The following NDUFS2 variants were observed in gnomAD, a reference collection of about 807,000 sequenced individuals.
NDUFS2 encodes NADH:ubiquinone oxidoreductase core subunit S2.
NDUFS2 carries 38 observed loss-of-function variants against 69.6 expected under a neutral mutation model. The observed-to-expected ratio is 0.55, with a 90% CI of 0.42 to 0.72. The LOEUF (loss-of-function observed/expected upper bound fraction) is 0.72, where lower values mean the gene tolerates loss of function less well. Among genes scored for constraint, NDUFS2 ranks in the 30% least tolerant of loss-of-function variants. The probability of loss-of-function intolerance (pLI) is 0.00; values close to 1 mark genes in which losing one functional copy is unlikely to be tolerated. For synonymous variants in NDUFS2, 194 were observed against 211.2 expected, an observed-to-expected ratio of 0.92 and a Z score of 0.70; for missense variants, 468 against 595.0, an observed-to-expected ratio of 0.79 and a Z score of 2.22.
chr1:161,212,217 C>A, intron 9 of NDUFS2, 134 bp from the exon 10 acceptor site: 1 of 1,153,454 alleles, frequency 8.7e-7, no homozygotes, highest in Non-Finnish European at 1.3e-6. Flanking sequence ...CCAAGCCAAG[C>A]AGAGATGCTG....
intron 3 of NDUFS2, 90 bp downstream of exon 3, chr1:161,206,687 G>A: frequency 1.4e-6 from 2 of 1,393,858 alleles, no homozygotes; most frequent in South Asian, 2.5e-5. Context: ...AACGTGAGGG[G>A]AGGAAGGTGT....
chr1:161,203,521 C>T lies in NDUFS2; in HGVS notation c.180C>T (p.His60=), dbSNP rs1665279085. The change falls in exon 2 of 14, where the codon CAC becomes CAT. Residue 60 remains histidine, a synonymous_variant. Coordinates refer to ENST00000676972, the MANE Select transcript of NDUFS2 (RefSeq NM_001377299.1). ...TGTACCCAAGCAAAGAAACAGCCCA[C>T]TGGAAGCCTCCACCTTGGAATGGTG... is the stretch of plus-strand genomic sequence containing the variant. ...AVMYPSKETA[H]WKPPPWNDVD... 7 of 1,613,808 alleles carry T rather than the reference C, an allele frequency of 4.3e-6. No individual in the cohort carries two copies. The highest frequency in any genetic ancestry group is 5.9e-6 in the Non-Finnish European group (7 of 1,179,946).
intron 3 of NDUFS2, among the ~76,000 whole-genome samples, chr1:161,207,323 G>A (rs535419216): frequency 6.6e-6 from 1 of 152,310 alleles, no homozygotes; most frequent in East Asian, 1.9e-4. Context: ...AGTGACATCA[G>A]AATAAGAACA....
intron 13 of NDUFS2, 25 bp from the exon 14 acceptor site, chr1:161,214,131 T>C (rs769118293): frequency 6.2e-7 from 1 of 1,613,958 alleles, no homozygotes; most frequent in Non-Finnish European, 8.5e-7. Context: ...GTAACATCAC[T>C]TTTTTCCTCC....
intron 6 of NDUFS2, 48 bp from the exon 7 acceptor site, chr1:161,210,063 T>G: frequency 6.3e-7 from 1 of 1,599,058 alleles, no homozygotes; most frequent in Non-Finnish European, 8.6e-7. Flanking sequence ...AGGGCTCTCC[T>G]TAGTGAAGGC....
upstream of NDUFS2, chr1:161,202,302 G>A (rs1571598911): frequency 7.3e-7 from 1 of 1,367,628 alleles, no homozygotes; most frequent in African/African-American, 1.4e-5. Context: ...GCTTCACTGT[G>A]CGAATAGGTG....
At chr1:161,202,097 G>T (rs1665158187), upstream of NDUFS2, 6 of 510,052 alleles carry the variant, frequency 1.2e-5, no homozygotes, top group South Asian at 1.2e-4. Context: ...GAGAGAGCAC[G>T]AAGTATCTGC....
rs139019320 is a variant in NDUFS2 at position 161,209,889 on chromosome 1, C to T, written c.660C>T (p.Ala220=). 5.7e-5 allele frequency: 92 copies of T among 1,614,018 alleles called. No homozygotes were observed. In the African/African-American group the frequency reaches 1.1e-3, roughly 19 times the overall value. The part of the protein sequence containing the change: ...MFEFYERVSG[A]RMHAAYIRPG... ...AGTTCTACGAGCGAGTGTCTGGAGCCCGAATGCATGCTGCTTATATCCGGC... is the reference window on the plus strand; with the variant it reads ...AGTTCTACGAGCGAGTGTCTGGAGCTCGAATGCATGCTGCTTATATCCGGC... The change falls in exon 6 of 14, where the codon GCC becomes GCT. Residue 220 remains alanine, a synonymous_variant. Transcript: ENST00000676972.
chr1:161,206,609 G>A lies in NDUFS2; in HGVS notation c.393+12G>A, dbSNP rs180970484. The A allele has an allele frequency of 2.4e-5, 38 of 1,612,318 alleles. No homozygotes were observed. In the Admixed American group the frequency reaches 4.7e-4, roughly 20 times the overall value. ...AGACCTATCTTCAGGTGTGGGGGGTGAACAGGAGCCTTTTGGCGGGATCTG... is the reference window on the plus strand; with the variant it reads ...AGACCTATCTTCAGGTGTGGGGGGTAAACAGGAGCCTTTTGGCGGGATCTG... On this transcript the variant is annotated intron_variant, in intron 3 of 13. Coordinates refer to ENST00000676972, the MANE Select transcript of NDUFS2 (RefSeq NM_001377299.1).
upstream of NDUFS2, chr1:161,198,390 T>G: frequency 5.0e-6 from 8 of 1,610,714 alleles, no homozygotes; most frequent in Non-Finnish European, 6.8e-6. This position sits in a 1 kb window ranked among gnomAD's most constrained non-coding sequence, Gnocchi z 4.7. Context: ...CACAACAGCC[T>G]GGCAGGGGCG....
chr1:161,204,347 C>T (rs929506586), intron 2 of NDUFS2, among the ~76,000 whole-genome samples: 4 of 152,298 alleles, frequency 2.6e-5, no homozygotes, highest in African/African-American at 7.2e-5. Context: ...TTATCTTGCC[C>T]TCCATGTCTA....
chr1:161,198,005 C>A, upstream of NDUFS2: 1 of 1,559,852 alleles, frequency 6.4e-7, no homozygotes, highest in Non-Finnish European at 8.7e-7. This position sits in a 1 kb window ranked among gnomAD's most constrained non-coding sequence, Gnocchi z 4.7. Context: ...CTTGGCTCTT[C>A]GGGGTCTGGG....
chr1:161,197,727 G>A (rs1218555733), upstream of NDUFS2, among the ~76,000 whole-genome samples: 1 of 152,074 alleles, frequency 6.6e-6, no homozygotes, highest in East Asian at 1.9e-4. Context: ...GCCAGGAAGG[G>A]GTGGGGTGGG....
rs757458919 is a variant in NDUFS2 at position 161,210,380 on chromosome 1, A to G, written c.857A>G (p.Tyr286Cys). Residue 286 changes from tyrosine to cysteine, a missense_variant, in exon 8 of 14, where the codon TAT (tyrosine) becomes TGT (cysteine). By Grantham distance (194) the Tyr-to-Cys change is radical. This residue lies in a region of NDUFS2 where 339 missense variants were observed against 433.8 expected (regional missense o/e 0.78). Coordinates refer to ENST00000676972, the MANE Select transcript of NDUFS2 (RefSeq NM_001377299.1). The stretch of plus-strand genomic sequence containing the variant: ...GTAACAGCAGAAGAAGCACTTAACT[A>G]TGGTTTTAGGTGAGGGGAATACAAC... Reference protein sequence around the residue: ...GVVTAEEALNYGFSGVMLRGS... With the variant: ...GVVTAEEALNCGFSGVMLRGS... 4 of 1,613,522 alleles carry G rather than the reference A, an allele frequency of 2.5e-6. No individual in the cohort carries two copies. Among genetic ancestry groups the G allele is most frequent in the Non-Finnish European group, 3.4e-6 (4 of 1,179,536 alleles).
chr1:161,205,093 G>A (rs1052945721), intron 2 of NDUFS2, among the ~76,000 whole-genome samples: 2 of 151,624 alleles, frequency 1.3e-5, no homozygotes, highest in Non-Finnish European at 2.9e-5. Flanking sequence ...ATTTGTACTC[G>A]GGTCTGTCAG....
intron 8 of NDUFS2, 71 bp from the exon 9 acceptor site, chr1:161,210,520 G>A: frequency 2.5e-6 from 4 of 1,610,652 alleles, no homozygotes; most frequent in South Asian, 2.2e-5. Context: ...CAACAAGGGA[G>A]GCTAAGGAAG....
In NDUFS2 at chr1:161,206,443, T is replaced by A. The variant is rs776361999; in HGVS notation, c.239T>A (p.Ile80Asn). ...CCAAAGGACACAATTGTGAAGAACA[T>A]TACCCTGAACTTTGGGCCCCAACAC... ...DPPKDTIVKN[I>N]TLNFGPQHPA... Residue 80 changes from isoleucine to asparagine, a missense_variant, in exon 3 of 14, where the codon ATT (isoleucine) becomes AAT (asparagine). Physicochemically the swap from Ile to Asn is moderately radical, Grantham distance 149. Coordinates refer to ENST00000676972, the MANE Select transcript of NDUFS2 (RefSeq NM_001377299.1). 3 of 1,614,232 alleles carry A rather than the reference T, an allele frequency of 1.9e-6. No homozygotes were observed. Among genetic ancestry groups the A allele is most frequent in the Non-Finnish European group, 2.5e-6 (3 of 1,180,040 alleles).
At chr1:161,198,661 C>T (rs541347776), upstream of NDUFS2, 91 of 1,459,624 alleles carry the variant, frequency 6.2e-5, 1 homozygote, top group South Asian at 4.7e-4. This position sits in a 1 kb window ranked among gnomAD's most constrained non-coding sequence, Gnocchi z 4.7. Flanking sequence ...GGACTGAGGC[C>T]GTCTAGGGCA....
chr1:161,208,191 G>C (rs1053194024), intron 3 of NDUFS2, among the ~76,000 whole-genome samples: 12 of 151,292 alleles, frequency 7.9e-5, no homozygotes, highest in Non-Finnish European at 1.5e-4. Context: ...CACCATGTTG[G>C]CCAGGCTGGT....
Sources: allele counts gnomAD v4.1 joint callset (sites outside exome capture counted in the v4.1 genomes callset), GRCh38; gene constraint gnomAD v4.1.1; regional missense constraint gnomAD v4.1.1; non-coding constraint Gnocchi (gnomAD v3.1); transcripts MANE v1.5; gene names NCBI Gene and HGNC (gene_info 2026-07-23, HGNC 2026-07-21).